Variants in ATG3 observed in about 807,000 individuals in gnomAD.
ATG3 encodes autophagy related 3, also known as ubiquitin-like-conjugating enzyme ATG3.
A neutral mutation model predicts 50.7 loss-of-function variants in ATG3; 25 were observed. The observed-to-expected ratio is 0.49, with a 90% CI of 0.36 to 0.69. ATG3 has a LOEUF of 0.69. Ranked by LOEUF, ATG3 falls within the 30% of genes least tolerant of loss-of-function variation. The pLI, the probability that ATG3 is intolerant of heterozygous loss-of-function variation, is 0.00. For synonymous variants in ATG3, 119 were observed against 125.5 expected, an observed-to-expected ratio of 0.95 and a Z score of 0.34; for missense variants, 281 against 376.0, an observed-to-expected ratio of 0.75 and a Z score of 2.09.
At chr3:112,550,731 A>G (rs1371048834) in intron 3 of ATG3, among the ~76,000 whole-genome samples, 4 of 152,210 alleles carry the variant, frequency 2.6e-5, no homozygotes, top group Admixed American at 2.6e-4. Flanking sequence ...CCCTGTTCCT[A>G]TCACTGGATT....
chr3:112,556,589 G>A (rs1158387142), intron 2 of ATG3, among the ~76,000 whole-genome samples: 2 of 152,254 alleles, frequency 1.3e-5, no homozygotes, highest in South Asian at 2.1e-4. Context: ...AGAAAGGGGG[G>A]AAAGGTGGGG....
intron 8 of ATG3, 69 bp from the exon 9 acceptor site, chr3:112,537,959 ATT>A: frequency 7.0e-7 from 1 of 1,421,298 alleles, no homozygotes; most frequent in East Asian, 2.4e-5. Flanking sequence ...TAGAAAACTT[ATT>A]TTTTCCATTC....
intron 9 of ATG3, among the ~76,000 whole-genome samples, chr3:112,536,998 AAGG>A (rs1933075395): frequency 6.7e-6 from 1 of 149,124 alleles, no homozygotes; most frequent in Non-Finnish European, 1.5e-5. Flanking sequence ...CCTAAATCTC[AAGG>A]TTTATAATAT....
rs959805842 is a variant in ATG3, at chr3:112,537,604, A to T, written c.666+131T>A. ...GAAAGAATCAAGTTCAACATTAATC[A>T]TAAAACTGTAAAACAGATGATTTCC... On this transcript the variant is annotated intron_variant, in intron 9 of 11. Coordinates refer to ENST00000283290, the MANE Select transcript of ATG3 (RefSeq NM_022488.5). 4.7e-6 allele frequency: 3 copies of T among 637,388 alleles called. No individual in the cohort carries two copies. In the African/African-American group the frequency reaches 5.7e-5, roughly 12 times the overall value. 39.5% of individuals were successfully genotyped at this position (637,388 alleles called of 1,614,324 possible).
chr3:112,553,918 C>A (rs1933595077), intron 2 of ATG3, among the ~76,000 whole-genome samples: 1 of 152,122 alleles, frequency 6.6e-6, no homozygotes. Flanking sequence ...AAGTTAGAAG[C>A]TTTTTGGTCT....
chr3:112,561,651 C>A lies in ATG3; in HGVS notation c.-123G>T. The A allele has an allele frequency of 1.0e-6, 1 of 1,003,760 alleles. No individual in the cohort carries two copies. Among genetic ancestry groups the A allele is most frequent in the Admixed American group, 2.4e-5 (1 of 40,952 alleles). 62.2% of individuals were successfully genotyped at this position (1,003,760 alleles called of 1,614,324 possible). A position where few individuals can be genotyped will look rare whatever the true frequency, so the allele number is the denominator to read the frequency against. ...GCATCAGCACCCGGCTGGCAGCACC[C>A]GAGGGGACGGGACGCGACGCGACGG... is the stretch of plus-strand genomic sequence containing the variant. On this transcript the variant is annotated 5_prime_UTR_variant, in exon 1 of 12. Coordinates refer to ENST00000283290, the MANE Select transcript of ATG3 (RefSeq NM_022488.5).
At chr3:112,538,846 A>G (rs151147619) in intron 7 of ATG3, among the ~76,000 whole-genome samples, 1 of 152,296 alleles carries the variant, frequency 6.6e-6, no homozygotes, top group Non-Finnish European at 1.5e-5. Context: ...TTACGTCTCT[A>G]CTAAATAACT....
In ATG3 at chr3:112,532,703, A is replaced by G; in HGVS notation, c.941T>C (p.Met314Thr). ...ATAGATTTTATGCTCTCTTCATTAC[A>G]TTGTGAAGTGTCTTGTGTAGTCATA... The part of the protein sequence containing the change: ...IEYDYTRHFT[M>T] Residue 314 changes from methionine to threonine, a missense_variant, in exon 12 of 12, where the codon ATG becomes ACG. Met to Thr is a moderately conservative substitution (Grantham distance 81). Coordinates refer to ENST00000283290, the MANE Select transcript of ATG3 (RefSeq NM_022488.5). 1 of 1,583,400 alleles carries G rather than the reference A, an allele frequency of 6.3e-7. No individual in the cohort carries two copies. Among genetic ancestry groups the G allele is most frequent in the South Asian group, 1.2e-5 (1 of 86,348 alleles).
At chr3:112,541,455 A>T (rs1235449369) in intron 7 of ATG3, among the ~76,000 whole-genome samples, 1 of 152,196 alleles carries the variant, frequency 6.6e-6, no homozygotes, top group East Asian at 1.9e-4. Flanking sequence ...GCTATCAAAG[A>T]GGGAAAAGAA....
Position 112,532,783 on chromosome 3 carries a change from A to G in ATG3, c.864-3T>C, listed in dbSNP as rs755609615. 4 of 1,583,590 alleles carry G rather than the reference A, an allele frequency of 2.5e-6. No homozygotes were observed. In the South Asian group the frequency reaches 3.5e-5, roughly 14 times the overall value. ...ATTTCAAGAAAATAAGAAGATACCT[A>G]AAGGTTTTTAGCTAAGGAAAATAAG... On this transcript the variant is annotated splice_polypyrimidine_tract_variant and splice_region_variant and intron_variant, in intron 11 of 11. Coordinates refer to ENST00000283290, the MANE Select transcript of ATG3 (RefSeq NM_022488.5).
At chr3:112,553,225 A>T in intron 3 of ATG3, 55 bp downstream of exon 3, 2 of 1,479,618 alleles carry the variant, frequency 1.4e-6, no homozygotes, top group South Asian at 2.3e-5. Context: ...AAATTGCTAT[A>T]ATTCTGAAGC....
intron 10 of ATG3, 52 bp downstream of exon 10, chr3:112,536,423 C>T (rs1933050492): frequency 5.0e-6 from 8 of 1,591,128 alleles, no homozygotes; most frequent in Non-Finnish European, 6.9e-6. Flanking sequence ...GTAATAAATC[C>T]ATGAAATATA....
intron 1 of ATG3, among the ~76,000 whole-genome samples, chr3:112,558,678 A>G (rs1406162139): frequency 6.6e-6 from 1 of 152,210 alleles, no homozygotes; most frequent in South Asian, 2.1e-4. Flanking sequence ...CAGACATGAA[A>G]ATAATTATAA....
intron 3 of ATG3, among the ~76,000 whole-genome samples, chr3:112,551,215 C>T (rs886420315): frequency 2.0e-5 from 3 of 152,140 alleles, no homozygotes; most frequent in African/African-American, 7.2e-5. Flanking sequence ...AAAGTTCAAA[C>T]CATAGATCTG....
chr3:112,557,385 C>T (rs933081423), intron 2 of ATG3, among the ~76,000 whole-genome samples: 3 of 152,118 alleles, frequency 2.0e-5, no homozygotes, highest in East Asian at 1.9e-4. Context: ...CCTGTAATCC[C>T]GAGGCAGGCG....
chr3:112,561,308 G>A (rs918625234), intron 1 of ATG3, 149 bp downstream of exon 1: 2 of 761,394 alleles, frequency 2.6e-6, no homozygotes, highest in Middle Eastern at 3.1e-4. Flanking sequence ...TTAAGACTAC[G>A]GGTGGGGGCT....
chr3:112,536,530 T>C lies in ATG3; in HGVS notation c.739A>G (p.Ile247Val), dbSNP rs1050300050. 7.4e-6 allele frequency: 12 copies of C among 1,614,038 alleles called. No homozygotes were observed. The highest frequency in any genetic ancestry group is 9.3e-6 in the Non-Finnish European group (11 of 1,179,874). The change falls in exon 10 of 12, where the codon ATT (isoleucine) becomes GTT (valine). Residue 247 changes from isoleucine (I) to valine (V), a missense_variant. By Grantham distance (29) the Ile-to-Val change is conservative (BLOSUM62 3). Around this residue, in one of 3 missense-constraint regions of ATG3, gnomAD observed 242 missense variants for 305.0 expected, o/e 0.79. Transcript: ENST00000283290. ...SQDHVKKTVT[I>V]ENHPHLPPPP... ...GGTGGCAGATGAGGGTGATTTTCAA[T>C]GGTCACTGTTTTCTTCACATGATCC...
intron 7 of ATG3, among the ~76,000 whole-genome samples, chr3:112,541,275 TACTC>T (rs1425294162): frequency 6.6e-6 from 1 of 151,994 alleles, no homozygotes. Context: ...TAGTCCCAGT[TACTC>T]AGGAGGCAGA....
chr3:112,558,363 C>T lies in ATG3; in HGVS notation c.114+13G>A. 1.3e-6 allele frequency: 2 copies of T among 1,596,784 alleles called. No homozygotes were observed. On this transcript the variant is annotated intron_variant, in intron 2 of 11. Transcript: ENST00000283290. ...GTAAAATAAAAAGACTTCAGTATAT[C>T]TTCAGCACTCACCTCTTCTGGGGTA...
Sources: allele counts gnomAD v4.1 joint callset (sites outside exome capture counted in the v4.1 genomes callset), GRCh38; gene constraint gnomAD v4.1.1; regional missense constraint gnomAD v4.1.1; transcripts MANE v1.5; gene names NCBI Gene and HGNC (gene_info 2026-07-23, HGNC 2026-07-21).